Variants in C8orf88 observed in about 807,000 individuals in gnomAD.
C8orf88 encodes the protein chromosome 8 open reading frame 88.
Under a neutral mutation model 18.4 loss-of-function variants are expected in C8orf88, and 14 were observed. That is an observed-to-expected ratio of 0.76 (90% CI 0.50 to 1.19). The LOEUF (loss-of-function observed/expected upper bound fraction) is 1.19. Ranked by LOEUF, C8orf88 falls within the 50% of genes most tolerant of loss-of-function variation. The pLI is 0.00. For synonymous variants in C8orf88, 45 were observed against 42.9 expected (o/e 1.05, Z -0.19); for missense variants, 116 against 134.7 (o/e 0.86, Z 0.69).
chr8:90,980,331 A>G, intron 2 of C8orf88, 32 bp downstream of exon 2: 1 of 1,364,012 alleles, frequency 7.3e-7, no homozygotes, highest in Non-Finnish European at 9.7e-7. Flanking sequence ...TAACACATTA[A>G]TATTTAAAGA....
intron 3 of C8orf88, 79 bp from the exon 4 acceptor site, chr8:90,971,220 T>G: frequency 1.4e-6 from 1 of 715,208 alleles, no homozygotes. Flanking sequence ...CCAAAAATAT[T>G]TTCCTAATAA....
intron 4 of C8orf88, among the ~76,000 whole-genome samples, chr8:90,962,263 A>G (rs143300040): frequency 6.6e-6 from 1 of 151,836 alleles, no homozygotes; most frequent in African/African-American, 2.4e-5. Context: ...TGCAAACTCA[A>G]AGAATTCACC....
chr8:90,967,501 G>T (rs933161802), intron 4 of C8orf88, among the ~76,000 whole-genome samples: 29 of 151,670 alleles, frequency 1.9e-4, no homozygotes, highest in Non-Finnish European at 3.7e-4. Context: ...GTGTTTAGTA[G>T]ACAAGTGTTT....
chr8:90,959,629 A>G (rs1811096273), intron 5 of C8orf88, among the ~76,000 whole-genome samples: 1 of 151,534 alleles, frequency 6.6e-6, no homozygotes, highest in Admixed American at 6.6e-5. Flanking sequence ...AGGGAGTTTA[A>G]GAAATATTAA....
At chr8:90,982,917 G>A (rs1022914258) in intron 1 of C8orf88, among the ~76,000 whole-genome samples, 5 of 152,030 alleles carry the variant, frequency 3.3e-5, no homozygotes, top group East Asian at 3.9e-4. Context: ...ACTGAGTCAC[G>A]AGATTATAAT....
intron 4 of C8orf88, among the ~76,000 whole-genome samples, chr8:90,961,845 A>G (rs1370984132): frequency 5.3e-5 from 8 of 151,572 alleles, no homozygotes; most frequent in African/African-American, 1.9e-4. Flanking sequence ...ATTGGTCTGT[A>G]AACCATAATT....
chr8:90,960,260 G>T (rs1194045584), intron 5 of C8orf88, among the ~76,000 whole-genome samples: 1 of 151,466 alleles, frequency 6.6e-6, no homozygotes, highest in Non-Finnish European at 1.5e-5. Flanking sequence ...AAATACATGA[G>T]ATGATTTGTT....
At chr8:90,968,720 G>A (rs1316001953) in intron 4 of C8orf88, among the ~76,000 whole-genome samples, 21 of 135,128 alleles carry the variant, frequency 1.6e-4, no homozygotes, top group African/African-American at 5.2e-4. Flanking sequence ...GCAGGAAGGA[G>A]AATAATAGAT....
chr8:90,966,364 GA>G (rs1586160888), intron 4 of C8orf88, among the ~76,000 whole-genome samples: 1 of 98,502 alleles, frequency 1.0e-5, no homozygotes, highest in Non-Finnish European at 1.9e-5. Flanking sequence ...GGGGTGGGGG[GA>G]GGGGGGAGGG....
At chr8:90,979,588 A>T (rs371127489) in intron 2 of C8orf88, among the ~76,000 whole-genome samples, 3 of 152,298 alleles carry the variant, frequency 2.0e-5, no homozygotes, top group African/African-American at 7.2e-5. Context: ...TGCCACTTCT[A>T]CCTTTTTTGC....
Position 90,961,624 on chromosome 8 carries a change from G to A in C8orf88, c.224-776C>T, listed in dbSNP as rs115206621. On this transcript the variant is annotated intron_variant, in intron 4 of 5. Transcript: ENST00000517562. ...AATGCTAAAGGAATTTCTACAGGCT[G>A]AAGGGAATTATACTAGATGGAAACT... Among the ~76,000 whole-genome samples, 251 of 151,468 alleles carry A rather than the reference G, an allele frequency of 1.7e-3. 1 individual carries two copies. The highest frequency in any genetic ancestry group is 5.9e-3 in the African/African-American group (244 of 41,432).
intron 3 of C8orf88, among the ~76,000 whole-genome samples, chr8:90,972,363 A>G (rs909655434): frequency 6.6e-6 from 1 of 152,064 alleles, no homozygotes; most frequent in Non-Finnish European, 1.5e-5. Context: ...TGGGTTCTCC[A>G]AAGTTCTTCT....
At chr8:90,977,629 G>A (rs1200269692) in intron 3 of C8orf88, among the ~76,000 whole-genome samples, 1 of 152,032 alleles carries the variant, frequency 6.6e-6, no homozygotes, top group Admixed American at 6.6e-5. Context: ...TGCATGCATA[G>A]TCTATTCCTG....
intron 4 of C8orf88, among the ~76,000 whole-genome samples, chr8:90,968,796 AC>A (rs894392342): frequency 1.3e-4 from 20 of 149,544 alleles, no homozygotes; most frequent in African/African-American, 4.7e-4. Context: ...ATAACAAACA[AC>A]CCAGTTAAAA....
chr8:90,969,300 C>A (rs1811251107), intron 4 of C8orf88, among the ~76,000 whole-genome samples: 1 of 151,762 alleles, frequency 6.6e-6, no homozygotes. Context: ...AAGGAATAAA[C>A]TACTAATAGT....
intron 3 of C8orf88, among the ~76,000 whole-genome samples, chr8:90,973,318 C>G (rs1811308344): frequency 6.6e-6 from 1 of 151,958 alleles, no homozygotes; most frequent in Non-Finnish European, 1.5e-5. Flanking sequence ...AAAGGAATAG[C>G]CTTGTACTGA....
At chr8:90,967,760 T>C (rs1339073214) in intron 4 of C8orf88, among the ~76,000 whole-genome samples, 2 of 151,764 alleles carry the variant, frequency 1.3e-5, no homozygotes, top group Admixed American at 1.3e-4. Context: ...TTCATAGTAA[T>C]GTCCCCCATG....
intron 3 of C8orf88, among the ~76,000 whole-genome samples, chr8:90,976,676 TTATTA>T (rs780261964): frequency 2.2e-4 from 33 of 151,984 alleles, no homozygotes; most frequent in South Asian, 4.2e-4. Flanking sequence ...ATATGAAAAA[TTATTA>T]TATAATTAAG....
intron 4 of C8orf88, among the ~76,000 whole-genome samples, chr8:90,965,568 A>G (rs545663808): frequency 6.6e-6 from 1 of 151,936 alleles, no homozygotes; most frequent in East Asian, 1.9e-4. Context: ...TCTGAAGCAC[A>G]CATGGAACCA....
Sources: gnomAD v4.1 joint callset for allele counts (sites outside exome capture counted in the v4.1 genomes callset) on GRCh38, gnomAD v4.1.1 for gene constraint, MANE v1.5 for transcripts, NCBI Gene and HGNC (gene_info 2026-07-23, HGNC 2026-07-21) for gene names.